ATG7: variants seen among roughly 807,000 people sequenced by gnomAD.
ATG7 encodes the protein ubiquitin-like modifier-activating enzyme ATG7.
Under a neutral mutation model 82.4 loss-of-function variants are expected in ATG7, and 70 were observed. The ratio of observed to expected loss-of-function variants is 0.85; its 90% CI spans 0.70 to 1.04. ATG7 has a LOEUF of 1.04. Ranked by LOEUF, ATG7 falls within the 50% of genes least tolerant of loss-of-function variation. ATG7 has a pLI of 0.00. For synonymous variants in ATG7, 287 were observed against 313.0 expected (o/e 0.92, Z 0.88); for missense variants, 792 against 864.3 (o/e 0.92, Z 1.05).
chr3:11,558,647 C>A (rs1329919468), downstream of ATG7: 1 of 1,611,638 alleles, frequency 6.2e-7, no homozygotes, highest in African/African-American at 1.3e-5. Context: ...CTCAGGGCTG[C>A]TGGATGCTCC....
At chr3:11,345,058 C>A (rs1210370521) in intron 13 of ATG7, among the ~76,000 whole-genome samples, 1 of 152,056 alleles carries the variant, frequency 6.6e-6, no homozygotes, top group Non-Finnish European at 1.5e-5. Context: ...ATTATCTGTT[C>A]TTTGATGGTT....
At chr3:11,562,818 G>A in the ATG7 span, among the ~76,000 whole-genome samples, 1,075 of 152,346 alleles carry the variant, frequency 7.1e-3, 13 homozygotes, top group African/African-American at 0.024. Context: ...GGGGTACCCC[G>A]TGGCCCCTGG....
intron 3 of ATG7, among the ~76,000 whole-genome samples, chr3:11,296,043 G>T (rs1029039543): frequency 2.0e-5 from 3 of 152,168 alleles, no homozygotes; most frequent in Admixed American, 1.3e-4. Flanking sequence ...CTCCCAAAGT[G>T]CTGGGATTAC....
chr3:11,310,369 A>G (rs1559369355), intron 7 of ATG7, among the ~76,000 whole-genome samples: 2 of 151,952 alleles, frequency 1.3e-5, no homozygotes, highest in Admixed American at 6.6e-5. Context: ...TTTTTTTGGC[A>G]AGTTTTCCTT....
At chr3:11,573,283 GAAAGAAAGAAAGAAAGAAAGA>G in the ATG7 span, among the ~76,000 whole-genome samples, 3 of 13,510 alleles carry the variant, frequency 2.2e-4, no homozygotes, top group East Asian at 4.1e-3. Context: ...AAGAAAGAAA[GAAAGAAAGAAAGAAAGAAAGA>G]AAGGAAGGAA....
the ATG7 span, among the ~76,000 whole-genome samples, chr3:11,565,298 T>C: frequency 6.6e-6 from 1 of 152,008 alleles, no homozygotes; most frequent in African/African-American, 2.4e-5. This position sits in a 1 kb window ranked among gnomAD's most constrained non-coding sequence, Gnocchi z 4.1. Flanking sequence ...TGTGTTCACT[T>C]CTATAATAAT....
chr3:11,422,043 G>A (rs9836824), intron 19 of ATG7, among the ~76,000 whole-genome samples: 132,791 of 152,284 alleles, frequency 0.87, 58,258 homozygotes, highest in East Asian at 1. Flanking sequence ...TTGTTGTTTC[G>A]GTTATAGAGC....
At chr3:11,290,395 A>C (rs981938082) in intron 3 of ATG7, 3 of 182,436 alleles carry the variant, frequency 1.6e-5, no homozygotes, top group African/African-American at 7.2e-5. Flanking sequence ...AGCTGTCTTT[A>C]CTGGGCTCAG....
intron 18 of ATG7, among the ~76,000 whole-genome samples, chr3:11,368,770 A>G (rs2076802078): frequency 6.7e-6 from 1 of 149,812 alleles, no homozygotes; most frequent in Non-Finnish European, 1.5e-5. Context: ...AGGTGACGCT[A>G]CAACAGTTGT....
chr3:11,522,994 A>G (rs1442345913), intron 20 of ATG7, among the ~76,000 whole-genome samples: 1 of 152,162 alleles, frequency 6.6e-6, no homozygotes, highest in African/African-American at 2.4e-5. Context: ...AATGGACACA[A>G]TGATACCTTT....
At chr3:11,525,444 T>A (rs35539536) in intron 20 of ATG7, among the ~76,000 whole-genome samples, 14 of 128,380 alleles carry the variant, frequency 1.1e-4, no homozygotes, top group South Asian at 2.5e-4. Context: ...CAGTAAGACA[T>A]GTGATTTTTT....
chr3:11,512,542 G>A (rs929467275), intron 20 of ATG7, among the ~76,000 whole-genome samples: 3 of 152,212 alleles, frequency 2.0e-5, no homozygotes, highest in African/African-American at 4.8e-5. Flanking sequence ...CTGACTTCAA[G>A]AATGAAGCCA....
chr3:11,377,173 TA>T (rs2077482690), intron 18 of ATG7, among the ~76,000 whole-genome samples: 2 of 152,202 alleles, frequency 1.3e-5, no homozygotes, highest in Non-Finnish European at 2.9e-5. Flanking sequence ...AGTACCCCCT[TA>T]GGAGTCTCTT....
At chr3:11,300,049 C>T (rs551953001) in intron 5 of ATG7, among the ~76,000 whole-genome samples, 1 of 152,092 alleles carries the variant, frequency 6.6e-6, no homozygotes, top group South Asian at 2.1e-4. Context: ...CTTAGCCTCC[C>T]AAGTAGCTGG....
chr3:11,321,422 C>T (rs1197783477), intron 9 of ATG7, among the ~76,000 whole-genome samples: 1 of 151,982 alleles, frequency 6.6e-6, no homozygotes, highest in Non-Finnish European at 1.5e-5. Flanking sequence ...CAGTTTTGAC[C>T]GTGACCAGCA....
At chr3:11,387,094 A>G (rs2078377887) in intron 19 of ATG7, among the ~76,000 whole-genome samples, 1 of 152,236 alleles carries the variant, frequency 6.6e-6, no homozygotes, top group South Asian at 2.1e-4. Context: ...TGGTGTTGAC[A>G]TCAGAAATAA....
intron 20 of ATG7, among the ~76,000 whole-genome samples, chr3:11,535,509 G>C (rs2092773739): frequency 6.6e-6 from 1 of 152,144 alleles, no homozygotes; most frequent in Admixed American, 6.5e-5. Context: ...GATGGATTAG[G>C]GGGAGGTGGT....
At chr3:11,362,694 G>T in intron 16 of ATG7, 119 bp from the exon 17 acceptor site, 1 of 715,930 alleles carries the variant, frequency 1.4e-6, no homozygotes, top group Non-Finnish European at 2.3e-6. Flanking sequence ...GATGTTCTTT[G>T]CCAACAATGA....
intron 20 of ATG7, among the ~76,000 whole-genome samples, chr3:11,490,432 CA>C (rs1278674125): frequency 6.6e-6 from 1 of 152,120 alleles, no homozygotes; most frequent in Non-Finnish European, 1.5e-5. Context: ...TCCAGTTTGC[CA>C]GTCTGTGTCT....
Sources: gnomAD v4.1 joint callset for allele counts (sites outside exome capture counted in the v4.1 genomes callset) on GRCh38, gnomAD v4.1.1 for gene constraint, Gnocchi (gnomAD v3.1) non-coding constraint, MANE v1.5 for transcripts, NCBI Gene and HGNC (gene_info 2026-07-23, HGNC 2026-07-21) for gene names.